FMN1: variants seen among roughly 807,000 people sequenced by gnomAD.
FMN1 encodes formin 1.
FMN1 carries 110 observed loss-of-function variants against 132.4 expected under a neutral mutation model. The ratio of observed to expected loss-of-function variants is 0.83; its 90% CI spans 0.71 to 0.97. The LOEUF (loss-of-function observed/expected upper bound fraction) is 0.97. Among genes scored for constraint, FMN1 ranks in the 50% least tolerant of loss-of-function variants. The probability of loss-of-function intolerance (pLI) is 0.00; values close to 1 mark genes in which losing one functional copy is unlikely to be tolerated. For missense variants in FMN1, 1,792 were observed against 1,705.3 expected, an observed-to-expected ratio of 1.05 and a Z score of -0.90; for synonymous variants, 722 against 651.7, an observed-to-expected ratio of 1.11 and a Z score of -1.64.
At chr15:32,988,158 T>C (rs1281517876) in intron 7 of FMN1, among the ~76,000 whole-genome samples, 2 of 149,410 alleles carry the variant, frequency 1.3e-5, no homozygotes, top group East Asian at 4.1e-4. Context: ...CAGTAGGACA[T>C]AGTCAATCTG....
chr15:33,051,002 A>G (rs1350890047), intron 6 of FMN1, among the ~76,000 whole-genome samples: 1 of 152,210 alleles, frequency 6.6e-6, no homozygotes, highest in Non-Finnish European at 1.5e-5. Flanking sequence ...ATATTTTGTG[A>G]TGTGCCACTC....
intron 6 of FMN1, chr15:33,064,290 CAT>C (rs984985801): frequency 6.6e-6 from 1 of 152,184 alleles, no homozygotes. Context: ...TATACACACA[CAT>C]GCAATTCTTA....
chr15:32,803,829 G>T (rs190377898), intron 18 of FMN1, among the ~76,000 whole-genome samples: 1 of 152,198 alleles, frequency 6.6e-6, no homozygotes, highest in African/African-American at 2.4e-5. Context: ...GTCATGACAC[G>T]CATGTGAGGC....
At chr15:32,946,837 T>A (rs933688821) in intron 9 of FMN1, among the ~76,000 whole-genome samples, 1 of 152,172 alleles carries the variant, frequency 6.6e-6, no homozygotes, top group African/African-American at 2.4e-5. Context: ...TGTTTCAAAG[T>A]CTGCATATGG....
At chr15:33,128,123 T>C (rs147564255) in intron 4 of FMN1, among the ~76,000 whole-genome samples, 1 of 152,022 alleles carries the variant, frequency 6.6e-6, no homozygotes, top group African/African-American at 2.4e-5. Context: ...GGAGACACCA[T>C]GGTGATGGGA....
At position 32,986,402 on chromosome 15, in the gene FMN1, A is replaced by T. The variant is rs1272983749; in HGVS notation, c.2224-16925T>A. On this transcript the variant is annotated intron_variant, in intron 7 of 20. Transcript: ENST00000616417. The stretch of plus-strand genomic sequence containing the variant: ...CCCTGACCACAGGGCATCAATACCC[A>T]TCATTTTTACAAATAGTTTTGGCAA... 3.3e-5 allele frequency among the ~76,000 whole-genome samples: 5 copies of T among 152,274 alleles called. 1 individual carries two copies. The highest frequency in any genetic ancestry group is 3.3e-4 in the Admixed American group (5 of 15,288).
At chr15:33,020,864 T>C (rs751042066) in intron 6 of FMN1, among the ~76,000 whole-genome samples, 7 of 152,238 alleles carry the variant, frequency 4.6e-5, no homozygotes, top group Non-Finnish European at 8.8e-5. Flanking sequence ...TAAAAGACTT[T>C]ATTGTATTTC....
intron 6 of FMN1, among the ~76,000 whole-genome samples, chr15:33,037,336 G>A (rs1281032918): frequency 6.6e-6 from 1 of 152,084 alleles, no homozygotes; most frequent in Non-Finnish European, 1.5e-5. Flanking sequence ...CTCTACAGCT[G>A]ATCTGAGTTT....
At chr15:33,037,564 G>A (rs2036244408) in intron 6 of FMN1, among the ~76,000 whole-genome samples, 1 of 152,102 alleles carries the variant, frequency 6.6e-6, no homozygotes, top group Admixed American at 6.5e-5. Flanking sequence ...TGAAAACCAG[G>A]CAGCAAGCCA....
intron 18 of FMN1, 31 bp from the exon 19 acceptor site, chr15:32,798,984 G>C: frequency 6.2e-7 from 1 of 1,600,224 alleles, no homozygotes. Context: ...AATGGAATGA[G>C]GTAGAGGTGA....
At chr15:32,792,676 T>C (rs565592202) in intron 19 of FMN1, among the ~76,000 whole-genome samples, 1 of 152,270 alleles carries the variant, frequency 6.6e-6, no homozygotes. Flanking sequence ...GCCATGAGAC[T>C]AAGTTCTGTC....
chr15:32,941,711 A>T (rs1275972740), intron 9 of FMN1, among the ~76,000 whole-genome samples: 2 of 152,144 alleles, frequency 1.3e-5, no homozygotes, highest in African/African-American at 4.8e-5. Flanking sequence ...GTTTGGCTCA[A>T]ATTCCTCATG....
rs7165674 is a variant in FMN1 at position 33,171,062 on chromosome 15, C to T, written c.-132+9136G>A. Among the ~76,000 whole-genome samples, 1,195 of 152,200 alleles carry T rather than the reference C, an allele frequency of 7.9e-3. 16 individuals are homozygous for T. The highest frequency in any genetic ancestry group is 0.027 in the African/African-American group (1,129 of 41,550). On this transcript the variant is annotated intron_variant, in intron 3 of 20. Coordinates refer to ENST00000616417, the MANE Select transcript of FMN1 (RefSeq NM_001277313.2). ...TATCTGGCCATAAAAATAATGAAAT[C>T]ATGTCATTTGCAACAACATGGATAG...
intron 4 of FMN1, among the ~76,000 whole-genome samples, chr15:33,128,416 A>T (rs1011943904): frequency 2.0e-5 from 3 of 152,198 alleles, no homozygotes; most frequent in Non-Finnish European, 4.4e-5. Context: ...CATCAACAAA[A>T]TCATTCTTTC....
intron 17 of FMN1, among the ~76,000 whole-genome samples, chr15:32,854,234 CTCA>C (rs1286486685): frequency 6.6e-6 from 1 of 152,122 alleles, no homozygotes; most frequent in Non-Finnish European, 1.5e-5. Context: ...GTGTTTTACC[CTCA>C]TAAGACATCT....
At chr15:33,076,142 T>G (rs1004391011) in intron 5 of FMN1, among the ~76,000 whole-genome samples, 3 of 152,120 alleles carry the variant, frequency 2.0e-5, no homozygotes, top group African/African-American at 4.8e-5. Flanking sequence ...GTAGCAGTCT[T>G]TAAAGTACAG....
chr15:33,134,268 G>C (rs1030521717), intron 4 of FMN1, among the ~76,000 whole-genome samples: 3 of 152,112 alleles, frequency 2.0e-5, no homozygotes, highest in African/African-American at 7.2e-5. Context: ...TTTTAAGTGG[G>C]ATTATAGAAA....
intron 4 of FMN1, among the ~76,000 whole-genome samples, chr15:33,146,144 A>G (rs1964211327): frequency 6.6e-6 from 1 of 152,020 alleles, no homozygotes; most frequent in African/African-American, 2.4e-5. Flanking sequence ...CAAAAATCTG[A>G]ATCTCAGCGT....
intron 12 of FMN1, among the ~76,000 whole-genome samples, chr15:32,907,158 A>G (rs1233873924): frequency 6.6e-6 from 1 of 151,948 alleles, no homozygotes; most frequent in African/African-American, 2.4e-5. Context: ...TTTCAAGATG[A>G]TTCAAGCACA....
Sources: gnomAD v4.1 joint callset for allele counts (sites outside exome capture counted in the v4.1 genomes callset) on GRCh38, gnomAD v4.1.1 for gene constraint, MANE v1.5 for transcripts, NCBI Gene and HGNC (gene_info 2026-07-23, HGNC 2026-07-21) for gene names.